Variants in ADGRL2 observed in about 807,000 individuals in gnomAD.
ADGRL2 encodes adhesion G protein-coupled receptor L2, also known as calcium-independent alpha-latrotoxin receptor 2.
ADGRL2 carries 44 observed loss-of-function variants against 157.4 expected under a neutral mutation model. The observed-to-expected ratio is 0.28, with a 90% CI of 0.22 to 0.36. The LOEUF is 0.36. Ranked by LOEUF, ADGRL2 falls within the 10% of genes least tolerant of loss-of-function variation. ADGRL2 has a pLI of 1.00. For synonymous variants in ADGRL2, 585 were observed against 624.7 expected (o/e 0.94, Z 0.95); for missense variants, 1,510 against 1,768.9 (o/e 0.85, Z 2.63).
chr1:81,405,834 T>C (rs972240824), intron 1 of ADGRL2, among the ~76,000 whole-genome samples: 1 of 152,120 alleles, frequency 6.6e-6, no homozygotes, highest in Non-Finnish European at 1.5e-5. Flanking sequence ...GAATTGTTTT[T>C]ATACATAATG....
intron 2 of ADGRL2, among the ~76,000 whole-genome samples, chr1:81,879,409 C>A (rs2093926692): frequency 6.6e-6 from 1 of 151,762 alleles, no homozygotes; most frequent in South Asian, 2.1e-4. Flanking sequence ...TCACTTAGAT[C>A]ATTTCCTTGA....
chr1:81,346,634 TA>T (rs1379420322), intron 1 of ADGRL2, among the ~76,000 whole-genome samples: 4 of 152,156 alleles, frequency 2.6e-5, no homozygotes, highest in African/African-American at 9.7e-5. Context: ...CCCCACTCCC[TA>T]CCCCTCCATA....
intron 1 of ADGRL2, among the ~76,000 whole-genome samples, chr1:81,313,036 A>C (rs1659861798): frequency 6.6e-6 from 1 of 152,172 alleles, no homozygotes; most frequent in Admixed American, 6.5e-5. Context: ...GAAATAAAAT[A>C]ATGTCTGCTA....
At chr1:81,647,108 C>T (rs1384320045) in intron 3 of ADGRL2, among the ~76,000 whole-genome samples, 3 of 152,214 alleles carry the variant, frequency 2.0e-5, no homozygotes, top group Admixed American at 6.5e-5. Context: ...GTAAATTTGG[C>T]AGTAGCAAAA....
intron 2 of ADGRL2, among the ~76,000 whole-genome samples, chr1:81,866,347 A>G (rs1199162170): frequency 6.6e-6 from 1 of 152,124 alleles, no homozygotes; most frequent in Non-Finnish European, 1.5e-5. Flanking sequence ...GTACCTGTAA[A>G]TACTTTATTT....
chr1:81,795,921 C>T (rs1198633441), upstream of ADGRL2, among the ~76,000 whole-genome samples: 2 of 152,140 alleles, frequency 1.3e-5, no homozygotes, highest in Admixed American at 6.5e-5. Flanking sequence ...TTTAATTCAT[C>T]GTTGACAGTG....
intron 2 of ADGRL2, among the ~76,000 whole-genome samples, chr1:81,470,719 G>A (rs1344231654): frequency 6.6e-6 from 1 of 152,186 alleles, no homozygotes; most frequent in Non-Finnish European, 1.5e-5. Flanking sequence ...GATGATGGAT[G>A]TCAAGTCCTG....
At chr1:81,532,219 G>A (rs1403797783) in intron 2 of ADGRL2, among the ~76,000 whole-genome samples, 3 of 152,084 alleles carry the variant, frequency 2.0e-5, no homozygotes, top group South Asian at 2.1e-4. Flanking sequence ...TTAGCACAAC[G>A]ATAATTCTAC....
intron 3 of ADGRL2, among the ~76,000 whole-genome samples, chr1:81,626,130 G>T (rs796430819): frequency 3.9e-5 from 6 of 152,214 alleles, no homozygotes; most frequent in African/African-American, 1.4e-4. Flanking sequence ...CACAAAGCCC[G>T]ATCAGGAACT....
intron 3 of ADGRL2, among the ~76,000 whole-genome samples, chr1:81,625,918 G>A (rs1211293359): frequency 2.6e-5 from 4 of 152,114 alleles, no homozygotes; most frequent in Non-Finnish European, 5.9e-5. Context: ...AGAGTTAAAA[G>A]TTCCTTATTT....
chr1:81,347,162 G>A (rs569975709), intron 1 of ADGRL2, among the ~76,000 whole-genome samples: 1 of 152,138 alleles, frequency 6.6e-6, no homozygotes, highest in Non-Finnish European at 1.5e-5. Context: ...ACTTTGGGAG[G>A]CTGAGGCGGG....
intron 2 of ADGRL2, among the ~76,000 whole-genome samples, chr1:81,517,637 AG>A (rs1264990762): frequency 3.3e-5 from 5 of 152,140 alleles, no homozygotes; most frequent in Admixed American, 2.6e-4. Flanking sequence ...AGGGAGAGGA[AG>A]CACCCAGGTG....
At chr1:81,986,431 G>A (rs1663179717) in intron 21 of ADGRL2, among the ~76,000 whole-genome samples, 1 of 151,974 alleles carries the variant, frequency 6.6e-6, no homozygotes, top group Non-Finnish European at 1.5e-5. Flanking sequence ...ACCTGTCTGT[G>A]AAAGTTGTTT....
chr1:81,662,636 C>A (rs1442576422), intron 3 of ADGRL2, among the ~76,000 whole-genome samples: 1 of 151,792 alleles, frequency 6.6e-6, no homozygotes. Context: ...CTCACTGCAA[C>A]CTCCACCTCC....
intron 1 of ADGRL2, among the ~76,000 whole-genome samples, chr1:81,395,069 G>A (rs969537281): frequency 6.6e-5 from 10 of 151,946 alleles, no homozygotes; most frequent in African/African-American, 2.4e-4. Flanking sequence ...CAGCCACCAA[G>A]CCCAGCTAAT....
chr1:81,966,595 C>T lies in ADGRL2; in HGVS notation c.2335C>T (p.Leu779=). The stretch of plus-strand genomic sequence containing the variant: ...CCTGACTGATCCTGTGCTTTTTACC[C>T]TGCCACACATTGATGTAAGTTAATG... ...VYLTDPVLFT[L]PHIDPDNYFN... The change falls in exon 13 of 24, where the codon CTG becomes TTG. Residue 779 remains leucine (L), a synonymous_variant. Transcript: ENST00000686636. 6.2e-7 allele frequency: 1 copy of T among 1,613,632 alleles called. No homozygotes were observed.
chr1:81,539,715 C>T (rs546427103), intron 2 of ADGRL2, among the ~76,000 whole-genome samples: 65 of 152,040 alleles, frequency 4.3e-4, no homozygotes, highest in African/African-American at 1.4e-3. Flanking sequence ...CTTTTTGCTC[C>T]GTCATTCTCA....
intron 1 of ADGRL2, among the ~76,000 whole-genome samples, chr1:81,712,755 ATTTTTTT>A (rs60265943): frequency 4.0e-5 from 4 of 100,250 alleles, no homozygotes; most frequent in East Asian, 2.9e-4. Context: ...TGGATCGCGG[ATTTTTTT>A]TTTTTTTTTT....
chr1:81,781,290 T>A (rs868419207), intron 2 of ADGRL2, among the ~76,000 whole-genome samples: 1 of 152,126 alleles, frequency 6.6e-6, no homozygotes, highest in South Asian at 2.1e-4. Flanking sequence ...GACTACAACA[T>A]TGAGCTTTGT....
Sources: gnomAD v4.1 joint callset for allele counts (sites outside exome capture counted in the v4.1 genomes callset) on GRCh38, gnomAD v4.1.1 for gene constraint, MANE v1.5 for transcripts, NCBI Gene and HGNC (gene_info 2026-07-23, HGNC 2026-07-21) for gene names.